The following EML6 variants were observed in gnomAD, a reference collection of about 807,000 sequenced individuals.
EML6 encodes the protein EMAP like 6.
Under a neutral mutation model 240.1 loss-of-function variants are expected in EML6, and 154 were observed. That is an observed-to-expected ratio of 0.64 (90% CI 0.56 to 0.73). The LOEUF (loss-of-function observed/expected upper bound fraction) is 0.73. Ranked by LOEUF, EML6 falls within the 30% of genes least tolerant of loss-of-function variation. The pLI, the probability that EML6 is intolerant of heterozygous loss-of-function variation, is 0.00. For synonymous variants in EML6, 1,148 were observed against 899.0 expected (o/e 1.28, Z -4.95); for missense variants, 2,964 against 2,474.6 (o/e 1.20, Z -4.20).
intron 21 of EML6, among the ~76,000 whole-genome samples, chr2:54,895,762 G>C (rs1445278553): frequency 6.6e-6 from 1 of 152,186 alleles, no homozygotes; most frequent in Non-Finnish European, 1.5e-5. Flanking sequence ...GCTTGTAAGT[G>C]TAGGACTAAA....
At chr2:54,954,444 G>C (rs549260615) in intron 32 of EML6, among the ~76,000 whole-genome samples, 1 of 152,290 alleles carries the variant, frequency 6.6e-6, no homozygotes, top group East Asian at 1.9e-4. Flanking sequence ...TCGGAAGGCA[G>C]CAGCCTCCCC....
At chr2:54,753,937 C>G (rs1422733246) in intron 2 of EML6, among the ~76,000 whole-genome samples, 3 of 151,850 alleles carry the variant, frequency 2.0e-5, no homozygotes, top group Non-Finnish European at 4.4e-5. Context: ...GAGTTCGAGA[C>G]CAGCCTGACC....
Position 54,853,684 on chromosome 2 carries a change from C to A in EML6, c.1486C>A (p.Pro496Thr). The A allele has an allele frequency of 6.5e-7, 1 of 1,549,778 alleles. No individual in the cohort carries two copies. Among genetic ancestry groups the A allele is most frequent in the South Asian group, 1.2e-5 (1 of 83,702 alleles). Residue 496 changes from proline to threonine, a missense_variant, in exon 11 of 42, where the codon CCT becomes ACT. Physicochemically the swap from Pro to Thr is conservative, Grantham distance 38 (BLOSUM62 -1). Transcript: ENST00000356458. Reference protein sequence around the residue: ...LTSKEEIKGIPWASWTCVKGP... With the variant: ...LTSKEEIKGITWASWTCVKGP... ...AAGTAAAGAAGAAATTAAAGGGATT[C>A]CTTGGGCCTCCTGGACATGCGTGAA...
intron 36 of EML6, among the ~76,000 whole-genome samples, chr2:54,963,097 CTG>C (rs1318133717): frequency 8.9e-6 from 1 of 112,608 alleles, no homozygotes; most frequent in Non-Finnish European, 1.6e-5. Context: ...TGGAGTAAAA[CTG>C]TGAAATAGCA....
intron 28 of EML6, among the ~76,000 whole-genome samples, chr2:54,947,697 G>A (rs972987834): frequency 4.6e-5 from 7 of 152,172 alleles, no homozygotes; most frequent in Non-Finnish European, 7.3e-5. Context: ...CAGAGTCCCC[G>A]GGCGCATTCG....
Position 54,903,111 on chromosome 2 carries a change from C to A in EML6, c.3192C>A (p.Phe1064Leu). Residue 1064 changes from phenylalanine (F) to leucine (L), a missense_variant, in exon 23 of 42, where the codon TTC becomes TTA. Physicochemically the swap from Phe to Leu is conservative, Grantham distance 22. Transcript: ENST00000356458. ...CGGTTGGCTTGAACGATGGGAGTTT[C>A]CTGGTGGTAAATGCTGACACTGTTG... ...ALAVGLNDGS[F>L]LVVNADTVED... 6.4e-7 allele frequency: 1 copy of A among 1,551,758 alleles called. No individual in the cohort carries two copies. Among genetic ancestry groups the A allele is most frequent in the Non-Finnish European group, 8.7e-7 (1 of 1,146,950 alleles).
At chr2:54,871,421 G>T in intron 15 of EML6, 79 bp from the exon 16 acceptor site, 1 of 1,049,398 alleles carries the variant, frequency 9.5e-7, no homozygotes, top group Non-Finnish European at 1.4e-6. Context: ...TGGTTTCTGA[G>T]CAGTGTTGGA....
chr2:54,922,907 G>A (rs1049056686), intron 26 of EML6, among the ~76,000 whole-genome samples: 5 of 151,490 alleles, frequency 3.3e-5, no homozygotes, highest in African/African-American at 2.4e-5. Flanking sequence ...GGTGGAAATG[G>A]GGAGATGTTG....
At chr2:54,805,631 G>C (rs1670427959) in intron 2 of EML6, among the ~76,000 whole-genome samples, 1 of 151,732 alleles carries the variant, frequency 6.6e-6, no homozygotes, top group African/African-American at 2.4e-5. Flanking sequence ...TCTGTGTTTT[G>C]CATTTTCATT....
chr2:54,930,827 A>C (rs1040424123), intron 28 of EML6, among the ~76,000 whole-genome samples: 32 of 152,136 alleles, frequency 2.1e-4, no homozygotes, highest in Non-Finnish European at 3.8e-4. Flanking sequence ...AAGAGCAATA[A>C]ATGATGGCCA....
At chr2:54,791,413 T>A (rs1669446768) in intron 2 of EML6, among the ~76,000 whole-genome samples, 1 of 152,238 alleles carries the variant, frequency 6.6e-6, no homozygotes, top group South Asian at 2.1e-4. Context: ...GAAATCTATG[T>A]ATCTTCAAAA....
Position 54,899,720 on chromosome 2 carries a change from C to T in EML6, c.3062C>T (p.Thr1021Ile), listed in dbSNP as rs1672956730. Residue 1021 changes from threonine to isoleucine, a missense_variant, in exon 22 of 42, where the codon ACA becomes ATA. By Grantham distance (89) the Thr-to-Ile change is moderately conservative (BLOSUM62 -1). Transcript: ENST00000356458. ...PICATVSDDK[T>I]LRIWELSAQH... is the part of the protein sequence containing the mutation. Reference sequence around the variant, plus strand: ...TGTGCAACAGTGAGCGATGATAAAACACTTCGCATCTGGGAACTATCTGCC... The same window carrying T: ...TGTGCAACAGTGAGCGATGATAAAATACTTCGCATCTGGGAACTATCTGCC... The T allele has an allele frequency of 1.9e-6, 3 of 1,552,128 alleles. No individual in the cohort carries two copies. The highest frequency in any genetic ancestry group is 1.2e-5 in the South Asian group (1 of 84,088).
intron 2 of EML6, among the ~76,000 whole-genome samples, chr2:54,788,029 C>G (rs530985997): frequency 6.6e-6 from 1 of 152,240 alleles, no homozygotes; most frequent in Admixed American, 6.5e-5. Context: ...ATGATGAAAC[C>G]TGATGGTCAA....
At chr2:54,777,739 T>G (rs974805613) in intron 2 of EML6, among the ~76,000 whole-genome samples, 2 of 152,186 alleles carry the variant, frequency 1.3e-5, no homozygotes, top group African/African-American at 4.8e-5. Context: ...GCCCTTTCCA[T>G]GGCTGGGTAC....
chr2:54,821,660 G>C (rs923850388), intron 5 of EML6, among the ~76,000 whole-genome samples: 1 of 151,968 alleles, frequency 6.6e-6, no homozygotes, highest in Non-Finnish European at 1.5e-5. Flanking sequence ...TAATTTAAAT[G>C]ATACAAGACT....
chr2:54,955,551 C>T (rs933151338), intron 32 of EML6, among the ~76,000 whole-genome samples: 25 of 152,192 alleles, frequency 1.6e-4, no homozygotes, highest in African/African-American at 5.5e-4. Flanking sequence ...CTAACTGTTC[C>T]TAGATCCTTG....
At chr2:54,964,246 G>A (rs994607925) in intron 37 of EML6, 88 bp downstream of exon 37, 3 of 1,363,800 alleles carry the variant, frequency 2.2e-6, no homozygotes, top group African/African-American at 2.9e-5. Flanking sequence ...CTGGAATAAA[G>A]AACTCAGTTG....
intron 29 of EML6, 71 bp from the exon 30 acceptor site, chr2:54,950,579 A>G: frequency 4.6e-6 from 7 of 1,516,216 alleles, no homozygotes; most frequent in Non-Finnish European, 6.2e-6. Flanking sequence ...CTGCTCACGC[A>G]ATGTGGGTGT....
At position 54,928,605 on chromosome 2, in the gene EML6, A is replaced by G. The variant is rs572123891; in HGVS notation, c.3878-20A>G. The G allele has an allele frequency of 1.8e-5, 28 of 1,551,994 alleles. No homozygotes were observed. The highest frequency in any genetic ancestry group is 9.8e-5 in the East Asian group (4 of 40,900). ...CCACTGCAAACCAACTGGCTCCCCA[A>G]TCTCTTTCTGTTGTTTGAGGCTATG... On this transcript the variant is annotated intron_variant, in intron 27 of 41. Transcript: ENST00000356458.
Sources: allele counts gnomAD v4.1 joint callset (sites outside exome capture counted in the v4.1 genomes callset), GRCh38; gene constraint gnomAD v4.1.1; transcripts MANE v1.5; gene names NCBI Gene and HGNC (gene_info 2026-07-23, HGNC 2026-07-21).